Variants in NDFIP1 observed in about 807,000 individuals in gnomAD.
NDFIP1 encodes NEDD4 family-interacting protein 1.
In NDFIP1, 7 loss-of-function variants were observed where a neutral mutation model predicts 28.8. The observed-to-expected ratio is 0.24, with a 90% CI of 0.14 to 0.46. The LOEUF is 0.46. NDFIP1 is among the 20% of genes least tolerant of loss of function. The pLI is 0.99. For missense variants in NDFIP1, 194 were observed against 269.1 expected (o/e 0.72, Z 1.95); for synonymous variants, 92 against 101.0 (o/e 0.91, Z 0.53).
chr5:142,147,699 G>A (rs188380665), intron 7 of NDFIP1, among the ~76,000 whole-genome samples: 93 of 152,314 alleles, frequency 6.1e-4, no homozygotes, highest in African/African-American at 2.1e-3. Flanking sequence ...GGATAAATTT[G>A]ATCTTATTTC....
intron 7 of NDFIP1, among the ~76,000 whole-genome samples, chr5:142,147,632 C>T (rs3911911): frequency 0.15 from 22,702 of 152,080 alleles, 2,293 homozygotes; most frequent in African/African-American, 0.29. Context: ...ATTATGAGCT[C>T]TGAATTTTGT....
chr5:142,112,619 A>G (rs1240500811), intron 1 of NDFIP1, among the ~76,000 whole-genome samples: 5 of 149,600 alleles, frequency 3.3e-5, no homozygotes, highest in Non-Finnish European at 7.4e-5. Flanking sequence ...GTGAAACCCC[A>G]TCTCTACTAA....
intron 3 of NDFIP1, 93 bp downstream of exon 3, chr5:142,132,435 T>A: frequency 6.9e-7 from 1 of 1,447,824 alleles, no homozygotes; most frequent in Non-Finnish European, 9.3e-7. Flanking sequence ...ATGATTGTAT[T>A]GATTAGTGAA....
At chr5:142,113,733 C>T (rs1402627086) in intron 1 of NDFIP1, among the ~76,000 whole-genome samples, 1 of 152,202 alleles carries the variant, frequency 6.6e-6, no homozygotes, top group Non-Finnish European at 1.5e-5. Flanking sequence ...CCTCCAGCCC[C>T]TGGAAGCCAC....
intron 1 of NDFIP1, among the ~76,000 whole-genome samples, chr5:142,123,613 G>A (rs919041655): frequency 6.6e-6 from 1 of 152,070 alleles, no homozygotes; most frequent in African/African-American, 2.4e-5. Context: ...TATATACGGG[G>A]TCTTGAGAGG....
chr5:142,142,940 A>AAAAATATATAT (rs60076432), intron 6 of NDFIP1: 6 of 38,156 alleles, frequency 1.6e-4, no homozygotes, highest in African/African-American at 3.8e-4. Flanking sequence ...AAAAAAAAAA[A>AAAAATATATAT]ATATATATAT....
intron 6 of NDFIP1, chr5:142,144,247 T>G (rs183884961): frequency 5.9e-6 from 1 of 168,452 alleles, no homozygotes; most frequent in African/African-American, 2.4e-5. Context: ...AATGCTTTTT[T>G]GGAACTCAAT....
intron 5 of NDFIP1, among the ~76,000 whole-genome samples, chr5:142,139,092 G>C (rs1757302464): frequency 6.6e-6 from 1 of 151,634 alleles, no homozygotes; most frequent in African/African-American, 2.4e-5. Context: ...TGGTAGCGGG[G>C]GCCTGTAGTC....
intron 6 of NDFIP1, 86 bp from the exon 7 acceptor site, chr5:142,144,485 G>C: frequency 1.1e-6 from 1 of 921,422 alleles, no homozygotes; most frequent in Non-Finnish European, 1.7e-6. Flanking sequence ...AAATAACAAT[G>C]TATCGCTATC....
intron 6 of NDFIP1, chr5:142,142,940 A>AATATATATATATATATATATATATAT (rs1554092157): frequency 7.9e-5 from 3 of 38,126 alleles, no homozygotes; most frequent in African/African-American, 1.3e-4. Flanking sequence ...AAAAAAAAAA[A>AATATATATATATATATATATATATAT]ATATATATAT....
intron 5 of NDFIP1, among the ~76,000 whole-genome samples, chr5:142,139,240 A>G (rs989778402): frequency 6.0e-4 from 92 of 152,228 alleles, no homozygotes; most frequent in African/African-American, 2.0e-3. Context: ...AAAAAGTTAA[A>G]TGAATTAACT....
chr5:142,137,625 G>C, intron 4 of NDFIP1, 109 bp from the exon 5 acceptor site: 1 of 1,271,738 alleles, frequency 7.9e-7, no homozygotes, highest in Admixed American at 2.1e-5. Context: ...TGGAGGACAG[G>C]CTGTCTTTTA....
chr5:142,116,284 A>C (rs563543661), intron 1 of NDFIP1, among the ~76,000 whole-genome samples: 3 of 152,296 alleles, frequency 2.0e-5, no homozygotes, highest in African/African-American at 7.2e-5. Flanking sequence ...ATATTTTCTT[A>C]TTAATGCAGT....
intron 1 of NDFIP1, among the ~76,000 whole-genome samples, 181 bp downstream of exon 1, chr5:142,109,218 C>T (rs1243528337): frequency 6.6e-6 from 1 of 152,122 alleles, no homozygotes; most frequent in African/African-American, 2.4e-5. Context: ...CGGGCCCGGC[C>T]TGCCCGTCTG....
rs150779191 is a variant in NDFIP1, at chr5:142,131,101, C to T, written c.64-707C>T. Among the ~76,000 whole-genome samples the T allele has an allele frequency of 4.5e-4, 68 of 151,444 alleles. 1 individual carries two copies. Among genetic ancestry groups the T allele is most frequent in the African/African-American group, 1.4e-3 (58 of 41,230 alleles). ...TCCTGAGTAGCTAGAACCACAGGTG[C>T]ATGCCACCACTCCCGGGTAATTTTT... On this transcript the variant is annotated intron_variant, in intron 1 of 7. Coordinates refer to ENST00000253814, the MANE Select transcript of NDFIP1 (RefSeq NM_030571.4).
intron 7 of NDFIP1, among the ~76,000 whole-genome samples, chr5:142,150,242 A>C (rs1757432525): frequency 6.6e-6 from 1 of 151,068 alleles, no homozygotes; most frequent in Non-Finnish European, 1.5e-5. Flanking sequence ...GTTTATAATG[A>C]GTCTGGCCTC....
chr5:142,123,077 C>T (rs1757136546), intron 1 of NDFIP1, among the ~76,000 whole-genome samples: 1 of 152,032 alleles, frequency 6.6e-6, no homozygotes, highest in East Asian at 1.9e-4. Context: ...ATTCTCGTGC[C>T]TCAGCCTCCC....
Position 142,153,672 on chromosome 5 carries a change from A to C in NDFIP1, c.*1944A>C, listed in dbSNP as rs953993335. The C allele has an allele frequency of 3.6e-6, 1 of 278,266 alleles. No homozygotes were observed. The highest frequency in any genetic ancestry group is 7.1e-6 in the Non-Finnish European group (1 of 140,160). 17.2% of individuals were successfully genotyped at this position (278,266 alleles called of 1,614,324 possible). A position where few individuals can be genotyped will look rare whatever the true frequency, so the allele number is the denominator to read the frequency against. ...TGGAGTTTGGAAGTTTGTATGGCCT[A>C]TAATGTTCTAAGTTCCAGAATGAAA... On this transcript the variant is annotated 3_prime_UTR_variant, in exon 8 of 8. Transcript: ENST00000253814.
chr5:142,139,950 G>A (rs1757311109), intron 5 of NDFIP1, among the ~76,000 whole-genome samples: 1 of 151,986 alleles, frequency 6.6e-6, no homozygotes, highest in Non-Finnish European at 1.5e-5. Context: ...TATTATGTGG[G>A]GAAAATGTTT....
Sources: allele counts gnomAD v4.1 joint callset (sites outside exome capture counted in the v4.1 genomes callset), GRCh38; gene constraint gnomAD v4.1.1; transcripts MANE v1.5; gene names NCBI Gene and HGNC (gene_info 2026-07-23, HGNC 2026-07-21).